EYS: variants seen among roughly 807,000 people sequenced by gnomAD.
EYS encodes the protein EGF-like photoreceptor maintenance factor, also known as protein eyes shut homolog.
Under a neutral mutation model 282.1 loss-of-function variants are expected in EYS, and 250 were observed. The observed-to-expected ratio is 0.89, with a 90% CI of 0.80 to 0.98. EYS has a LOEUF of 0.98. Among genes scored for constraint, EYS ranks in the 50% least tolerant of loss-of-function variants. EYS has a pLI of 0.00. For synonymous variants in EYS, 1,355 were observed against 1,282.9 expected (o/e 1.06, Z -1.20); for missense variants, 4,016 against 3,709.0 (o/e 1.08, Z -2.15).
At chr6:65,385,918 A>G (rs1765782486) in intron 7 of EYS, among the ~76,000 whole-genome samples, 1 of 151,960 alleles carries the variant, frequency 6.6e-6, no homozygotes, top group East Asian at 1.9e-4. Flanking sequence ...GAAGAAGAGA[A>G]GAGCTTTAGC....
In EYS at chr6:63,925,021, G is replaced by C. The variant is rs936760169; in HGVS notation, c.7055+59362C>G. 2.6e-5 allele frequency among the ~76,000 whole-genome samples: 4 copies of C among 152,076 alleles called. No homozygotes were observed. In the East Asian group the frequency reaches 7.7e-4, roughly 29 times the overall value. The stretch of plus-strand genomic sequence containing the variant: ...AAGCTCGTTCATATGTATAGTTTGG[G>C]TTTTGACAACAGCATTAGATGCTCA... On this transcript the variant is annotated intron_variant, in intron 35 of 42. Coordinates refer to ENST00000503581, the MANE Select transcript of EYS (RefSeq NM_001142800.2).
At position 65,589,909 on chromosome 6, in the gene EYS, A is replaced by G. The variant is rs188161897; in HGVS notation, c.-333+49869T>C. On this transcript the variant is annotated intron_variant, in intron 2 of 42. Transcript: ENST00000503581. Reference sequence around the variant, plus strand: ...GTTACTTCTGAAATCAATTATTTCTATAATTGTTAAATATGTCTTTATAAT... The same window carrying G: ...GTTACTTCTGAAATCAATTATTTCTGTAATTGTTAAATATGTCTTTATAAT... Among the ~76,000 whole-genome samples the G allele has an allele frequency of 1.3e-4, 20 of 152,078 alleles. No homozygotes were observed. The East Asian group carries it at 3.3e-3, about 25-fold the overall frequency.
chr6:64,370,792 T>A (rs1439975913), intron 29 of EYS, among the ~76,000 whole-genome samples: 1 of 152,118 alleles, frequency 6.6e-6, no homozygotes, highest in Non-Finnish European at 1.5e-5. Flanking sequence ...TACTATGTTG[T>A]CTAGCTCGCA....
intron 1 of EYS, among the ~76,000 whole-genome samples, chr6:65,705,631 T>G (rs987300409): frequency 6.6e-6 from 1 of 152,144 alleles, no homozygotes; most frequent in African/African-American, 2.4e-5. Context: ...ATGCAGAAAA[T>G]TATACAAATT....
At chr6:64,506,558 A>G (rs1777211511) in intron 26 of EYS, among the ~76,000 whole-genome samples, 1 of 152,158 alleles carries the variant, frequency 6.6e-6, no homozygotes, top group Non-Finnish European at 1.5e-5. Flanking sequence ...CTGAGAAGTG[A>G]ATGTCTTGTC....
chr6:65,085,196 C>A (rs1265076220), intron 12 of EYS, among the ~76,000 whole-genome samples: 1 of 152,150 alleles, frequency 6.6e-6, no homozygotes, highest in Non-Finnish European at 1.5e-5. Flanking sequence ...AGGCACCAGA[C>A]ATCTCAAACC....
intron 12 of EYS, among the ~76,000 whole-genome samples, chr6:65,089,474 C>A (rs1009264651): frequency 6.6e-6 from 1 of 152,066 alleles, no homozygotes; most frequent in Non-Finnish European, 1.5e-5. Context: ...AGGCCTGGAG[C>A]CCCTTTGTTT....
intron 13 of EYS, among the ~76,000 whole-genome samples, chr6:65,000,936 G>A (rs551293806): frequency 1.3e-4 from 20 of 152,248 alleles, no homozygotes; most frequent in East Asian, 7.7e-4. Context: ...GATCCCTCTC[G>A]CAGGACATGC....
intron 32 of EYS, among the ~76,000 whole-genome samples, chr6:64,073,255 AG>A (rs1238150399): frequency 6.6e-6 from 1 of 151,880 alleles, no homozygotes; most frequent in East Asian, 1.9e-4. Context: ...TTTTTTACAA[AG>A]GTCAAAGTGT....
At position 63,834,086 on chromosome 6, in the gene EYS, A is replaced by C. The variant is rs1443554532; in HGVS notation, c.7229-27714T>G. ...AAGATGGATTAAAGACTTAAATGTT[A>C]GACCTAAAGCCATAAAAACTCTAGA... is the stretch of plus-strand genomic sequence containing the variant. On this transcript the variant is annotated intron_variant, in intron 36 of 42. Transcript: ENST00000503581. 2.0e-5 allele frequency among the ~76,000 whole-genome samples: 3 copies of C among 152,256 alleles called. No individual in the cohort carries two copies. The East Asian group carries it at 5.8e-4, about 29-fold the overall frequency.
At chr6:65,694,117 C>T (rs1224968769) in intron 1 of EYS, among the ~76,000 whole-genome samples, 9 of 149,956 alleles carry the variant, frequency 6.0e-5, no homozygotes, top group Non-Finnish European at 1.3e-4. Flanking sequence ...GGCGTGGTGG[C>T]ACATGCCTGT....
chr6:65,069,373 C>A (rs1325771949), intron 12 of EYS, among the ~76,000 whole-genome samples: 1 of 151,996 alleles, frequency 6.6e-6, no homozygotes, highest in Non-Finnish European at 1.5e-5. Flanking sequence ...CTTAAGTCAA[C>A]TCAATTTCAG....
chr6:64,739,629 T>G (rs961153428), intron 22 of EYS, among the ~76,000 whole-genome samples: 3 of 152,194 alleles, frequency 2.0e-5, no homozygotes, highest in Admixed American at 2.0e-4. Flanking sequence ...GTAATTCCAT[T>G]CAGAACCATT....
At chr6:64,703,112 T>C (rs968405726) in intron 22 of EYS, among the ~76,000 whole-genome samples, 2 of 151,830 alleles carry the variant, frequency 1.3e-5, no homozygotes, top group Non-Finnish European at 2.9e-5. Context: ...TTTATGGAGA[T>C]TGGCAGAAGA....
intron 13 of EYS, among the ~76,000 whole-genome samples, chr6:65,023,027 T>C (rs926403499): frequency 1.3e-5 from 2 of 152,134 alleles, no homozygotes; most frequent in East Asian, 1.9e-4. Context: ...AAGAGAGGAC[T>C]GTTAATGGGT....
intron 14 of EYS, among the ~76,000 whole-genome samples, chr6:64,968,909 A>AC (rs1345599415): frequency 6.6e-6 from 1 of 152,214 alleles, no homozygotes; most frequent in Non-Finnish European, 1.5e-5. Flanking sequence ...ATATGAAGGT[A>AC]CAAAGACCAA....
intron 12 of EYS, among the ~76,000 whole-genome samples, chr6:65,129,318 G>A (rs1202801279): frequency 6.6e-6 from 1 of 151,864 alleles, no homozygotes; most frequent in Non-Finnish European, 1.5e-5. Context: ...AAATTGACAA[G>A]TGAAACCTAA....
intron 33 of EYS, among the ~76,000 whole-genome samples, chr6:64,014,108 T>TCA (rs947170265): frequency 3.3e-5 from 5 of 151,990 alleles, no homozygotes; most frequent in African/African-American, 9.7e-5. Flanking sequence ...ACATTTGAAC[T>TCA]CACACACACA....
chr6:65,478,806 G>GA (rs1765497529), intron 5 of EYS, among the ~76,000 whole-genome samples: 1 of 152,108 alleles, frequency 6.6e-6, no homozygotes, highest in Admixed American at 6.6e-5. Flanking sequence ...AAAAGAGAGA[G>GA]AGAAAGCCAC....
Sources: allele counts gnomAD v4.1 joint callset (sites outside exome capture counted in the v4.1 genomes callset), GRCh38; gene constraint gnomAD v4.1.1; transcripts MANE v1.5; gene names NCBI Gene and HGNC (gene_info 2026-07-23, HGNC 2026-07-21).